Variants in LRIG3 observed in about 807,000 individuals in gnomAD.
The protein encoded by LRIG3 is leucine-rich repeats and immunoglobulin-like domains protein 3.
LRIG3 carries 76 observed loss-of-function variants against 114.5 expected under a neutral mutation model. The ratio of observed to expected loss-of-function variants is 0.66; its 90% CI spans 0.55 to 0.80. The LOEUF is 0.80. Ranked by LOEUF, LRIG3 falls within the 30% of genes least tolerant of loss-of-function variation. The probability of loss-of-function intolerance (pLI) is 0.00; values close to 1 mark genes in which losing one functional copy is unlikely to be tolerated. For synonymous variants in LRIG3, 512 were observed against 519.8 expected (o/e 0.98, Z 0.20); for missense variants, 1,239 against 1,382.8 (o/e 0.90, Z 1.65).
At position 58,920,230 on chromosome 12, in the gene LRIG3, G is replaced by A; in HGVS notation, c.6C>T (p.Ser2=). The A allele has an allele frequency of 2.2e-6, 3 of 1,381,910 alleles. No individual in the cohort carries two copies. Among genetic ancestry groups the A allele is most frequent in the South Asian group, 1.7e-5 (1 of 59,250 alleles). 85.6% of individuals were successfully genotyped at this position (1,381,910 alleles called of 1,614,324 possible). M[S]APSLRARAAG... is the part of the protein sequence containing the mutation. Reference sequence around the variant, plus strand: ...CGGCGCGCGCACGGAGGCTCGGCGCGCTCATCGCGGTCCAGCGGCCTAGGT... The same window carrying A: ...CGGCGCGCGCACGGAGGCTCGGCGCACTCATCGCGGTCCAGCGGCCTAGGT... Residue 2 remains serine (S), a synonymous_variant, in exon 1 of 19, where the codon AGC becomes AGT. Coordinates refer to ENST00000320743, the MANE Select transcript of LRIG3 (RefSeq NM_153377.5).
At chr12:58,910,394 G>A (rs1483705074) in intron 3 of LRIG3, among the ~76,000 whole-genome samples, 1 of 152,194 alleles carries the variant, frequency 6.6e-6, no homozygotes, top group African/African-American at 2.4e-5. Context: ...CGGATCATGA[G>A]GTCAGGAGAT....
In LRIG3 at chr12:58,886,900, A is replaced by G. The variant is rs1453362560; in HGVS notation, c.1092-10T>C. 2.5e-6 allele frequency: 4 copies of G among 1,606,842 alleles called. No individual in the cohort carries two copies. The highest frequency in any genetic ancestry group is 1.1e-5 in the South Asian group (1 of 90,862). ...ATTGTTCTTCAGATCCCTAATTTTA[A>G]AAGAAGCATTCCCTTTAGAGTGATA... On this transcript the variant is annotated splice_polypyrimidine_tract_variant and intron_variant, in intron 8 of 18. Coordinates refer to ENST00000320743, the MANE Select transcript of LRIG3 (RefSeq NM_153377.5).
intron 12 of LRIG3, among the ~76,000 whole-genome samples, chr12:58,881,191 C>G (rs907379054): frequency 4.6e-5 from 7 of 152,138 alleles, no homozygotes; most frequent in Admixed American, 2.0e-4. Flanking sequence ...TTCCTGATCC[C>G]TTATGCTTTC....
chr12:58,873,943 A>C (rs535718899), intron 18 of LRIG3, 112 bp downstream of exon 18: 1 of 1,288,294 alleles, frequency 7.8e-7, no homozygotes, highest in East Asian at 2.3e-5. Context: ...TGGCAGCCTC[A>C]TTCAAGAAAC....
At chr12:58,903,704 A>G (rs1256440297) in intron 3 of LRIG3, among the ~76,000 whole-genome samples, 2 of 151,922 alleles carry the variant, frequency 1.3e-5, no homozygotes, top group Non-Finnish European at 2.9e-5. Flanking sequence ...TTTAGGTCTA[A>G]TGTTTAAGTC....
intron 16 of LRIG3, among the ~76,000 whole-genome samples, chr12:58,875,298 T>A (rs879295316): frequency 2.0e-5 from 3 of 152,186 alleles, no homozygotes; most frequent in Non-Finnish European, 4.4e-5. Context: ...TTAATGAGCT[T>A]GGGTCTCCAC....
Position 58,886,893 on chromosome 12 carries a change from A to G in LRIG3, c.1092-3T>C, listed in dbSNP as rs759706177. On this transcript the variant is annotated splice_region_variant and splice_polypyrimidine_tract_variant and intron_variant, in intron 8 of 18. Transcript: ENST00000320743. ...AAATTTCATTGTTCTTCAGATCCCT[A>G]ATTTTAAAAGAAGCATTCCCTTTAG... The G allele has an allele frequency of 6.2e-7, 1 of 1,611,414 alleles. No homozygotes were observed. The highest frequency in any genetic ancestry group is 1.1e-5 in the South Asian group (1 of 90,974).
chr12:58,920,188 CA>C lies in LRIG3; in HGVS notation c.47del (p.Leu16ArgfsTer26), dbSNP rs1270030153. ...LRARAAGLGL[L>X]LCAVLGRAGR... ...CAGCGCGCCCCAGCACCGCGCACAGCAGCAGCCCCAACCCCGCGGCGCGCGC... is the reference window on the plus strand; with the variant it reads ...CAGCGCGCCCCAGCACCGCGCACAGCGCAGCCCCAACCCCGCGGCGCGCGC... On this transcript the variant is annotated frameshift_variant, in exon 1 of 19. Coordinates refer to ENST00000320743, the MANE Select transcript of LRIG3 (RefSeq NM_153377.5). LOFTEE classifies it high-confidence loss of function. 6.7e-7 allele frequency: 1 copy of C among 1,499,278 alleles called. No individual in the cohort carries two copies. Among genetic ancestry groups the C allele is most frequent in the Non-Finnish European group, 8.8e-7 (1 of 1,130,938 alleles). The allele number at this position is 1,499,278 out of a possible 1,614,324, so 92.9% of individuals were successfully genotyped here. A position where few individuals can be genotyped will look rare whatever the true frequency, so the allele number is the denominator to read the frequency against.
Position 58,874,244 on chromosome 12 carries a change from G to A in LRIG3, c.2926C>T (p.Pro976Ser), listed in dbSNP as rs563804582. 3 of 1,614,182 alleles carry A rather than the reference G, an allele frequency of 1.9e-6. No individual in the cohort carries two copies. The highest frequency in any genetic ancestry group is 2.7e-5 in the African/African-American group (2 of 75,044). ...CTCCGTTCGCAGGATTCTTCTGAAG[G>A]ATGAGAACATGGGTAGCACTCCTTT... ...KKKECYPCSHPSEESCERSFS... is the reference protein window; with the variant it reads ...KKKECYPCSHSSEESCERSFS... Residue 976 changes from proline (P) to serine (S), a missense_variant, in exon 18 of 19, where the codon CCT becomes TCT. By Grantham distance (74) the Pro-to-Ser change is moderately conservative (BLOSUM62 -1). Transcript: ENST00000320743.
intron 13 of LRIG3, 78 bp from the exon 14 acceptor site, chr12:58,879,183 T>G (rs988457282): frequency 6.9e-7 from 1 of 1,444,296 alleles, no homozygotes; most frequent in Non-Finnish European, 9.3e-7. Flanking sequence ...TATTATTTGT[T>G]TGTTTGTTTG....
At chr12:58,884,545 C>A (rs1012285415) in intron 10 of LRIG3, among the ~76,000 whole-genome samples, 2 of 152,172 alleles carry the variant, frequency 1.3e-5, no homozygotes, top group African/African-American at 2.4e-5. Context: ...ATGACAAACC[C>A]TTTTGGCTAG....
At chr12:58,902,682 T>C (rs1195604450) in intron 3 of LRIG3, among the ~76,000 whole-genome samples, 3 of 151,986 alleles carry the variant, frequency 2.0e-5, no homozygotes, top group African/African-American at 7.3e-5. Flanking sequence ...ACTCGTCATT[T>C]AGCATTAGTT....
intron 1 of LRIG3, 197 bp from the exon 2 acceptor site, chr12:58,914,533 T>C (rs1279653371): frequency 5.5e-6 from 3 of 548,228 alleles, no homozygotes; most frequent in East Asian, 5.8e-5. Flanking sequence ...TTAGGGAGAC[T>C]GGCAGATTCA....
At chr12:58,896,783 T>C (rs1052935929) in intron 3 of LRIG3, among the ~76,000 whole-genome samples, 2 of 152,200 alleles carry the variant, frequency 1.3e-5, no homozygotes, top group African/African-American at 2.4e-5. Context: ...GGTCATTCCA[T>C]ACAAACAACC....
intron 3 of LRIG3, among the ~76,000 whole-genome samples, chr12:58,901,973 C>T (rs370746944): frequency 1.2e-4 from 18 of 152,250 alleles, no homozygotes; most frequent in Middle Eastern, 3.4e-3. Context: ...TATGCAACAA[C>T]GCACTAAACT....
intron 3 of LRIG3, among the ~76,000 whole-genome samples, chr12:58,891,405 G>T (rs1871452417): frequency 6.6e-6 from 1 of 152,140 alleles, no homozygotes; most frequent in Non-Finnish European, 1.5e-5. Context: ...ACCACACCTG[G>T]CTATTTTTCT....
intron 12 of LRIG3, 115 bp from the exon 13 acceptor site, chr12:58,881,016 G>T: frequency 2.0e-6 from 2 of 987,964 alleles, no homozygotes; most frequent in Non-Finnish European, 3.0e-6. Flanking sequence ...TACCCTTTGT[G>T]TATGTTTTCC....
intron 16 of LRIG3, among the ~76,000 whole-genome samples, chr12:58,874,844 C>T (rs1231006764): frequency 6.6e-6 from 1 of 152,200 alleles, no homozygotes. Context: ...ATGGTCTAAA[C>T]CACATACCAT....
intron 13 of LRIG3, 91 bp from the exon 14 acceptor site, chr12:58,879,196 A>C: frequency 7.2e-7 from 1 of 1,385,912 alleles, no homozygotes; most frequent in East Asian, 2.4e-5. Flanking sequence ...TTTGTTTGAT[A>C]CTTACAGATT....
Sources: allele counts gnomAD v4.1 joint callset (sites outside exome capture counted in the v4.1 genomes callset), GRCh38; gene constraint gnomAD v4.1.1; transcripts MANE v1.5; gene names NCBI Gene and HGNC (gene_info 2026-07-23, HGNC 2026-07-21).